Variants in FMNL2 observed in about 807,000 individuals in gnomAD.
The protein encoded by FMNL2 is formin-like protein 2.
In FMNL2, 51 loss-of-function variants were observed where a neutral mutation model predicts 130.2. The ratio of observed to expected loss-of-function variants is 0.39; its 90% CI spans 0.31 to 0.49. The LOEUF (loss-of-function observed/expected upper bound fraction) is 0.49, where lower values mean the gene tolerates loss of function less well. FMNL2 is among the 20% of genes least tolerant of loss of function. The pLI is 0.85. For synonymous variants in FMNL2, 465 were observed against 467.1 expected (o/e 1.00, Z 0.06); for missense variants, 977 against 1,316.2 (o/e 0.74, Z 3.99).
intron 3 of FMNL2, 112 bp downstream of exon 3, chr2:152,542,931 C>T: frequency 8.6e-7 from 1 of 1,167,628 alleles, no homozygotes; most frequent in Non-Finnish European, 1.2e-6. Context: ...GCCAGAGCCT[C>T]CACAAAAAAC....
intron 1 of FMNL2, among the ~76,000 whole-genome samples, chr2:152,485,024 T>G (rs982774151): frequency 6.6e-6 from 1 of 152,190 alleles, no homozygotes; most frequent in Non-Finnish European, 1.5e-5. Flanking sequence ...TGATGCTTGT[T>G]ATTTTATACT....
chr2:152,599,298 T>C (rs1020197529), intron 9 of FMNL2, among the ~76,000 whole-genome samples: 3 of 151,824 alleles, frequency 2.0e-5, no homozygotes, highest in Non-Finnish European at 2.9e-5. Flanking sequence ...GAGTCTTGCA[T>C]TGAAGCTAGA....
intron 1 of FMNL2, among the ~76,000 whole-genome samples, chr2:152,404,436 T>C (rs553049834): frequency 6.6e-6 from 1 of 152,206 alleles, no homozygotes; most frequent in South Asian, 2.1e-4. Flanking sequence ...ATATATATCA[T>C]CTTTGGGGAT....
rs748500020 is a variant in FMNL2, at chr2:152,611,497, G to A, written c.954G>A (p.Val318=). Residue 318 remains valine, a splice_region_variant and synonymous_variant, in exon 11 of 26, where the codon GTG becomes GTA. Coordinates refer to ENST00000288670, the MANE Select transcript of FMNL2 (RefSeq NM_052905.4). ...RNEDNNIDFM[V]ASMQFINIVV... is the part of the protein sequence containing the mutation. Reference sequence around the variant, plus strand: ...ACCCCTTGACAATTTCATTTCAGGTGGCTTCTATGCAGTTTATTAATATTG... The same window carrying A: ...ACCCCTTGACAATTTCATTTCAGGTAGCTTCTATGCAGTTTATTAATATTG... 4 of 1,571,338 alleles carry A rather than the reference G, an allele frequency of 2.5e-6. No homozygotes were observed. Among genetic ancestry groups the A allele is most frequent in the Admixed American group, 3.7e-5 (2 of 54,594 alleles).
chr2:152,436,472 A>C (rs1687771650), intron 1 of FMNL2, among the ~76,000 whole-genome samples: 1 of 152,172 alleles, frequency 6.6e-6, no homozygotes, highest in African/African-American at 2.4e-5. Flanking sequence ...GTTGGGAACT[A>C]CATGGTATCT....
chr2:152,391,837 G>T (rs1393840554), intron 1 of FMNL2, among the ~76,000 whole-genome samples: 2 of 139,444 alleles, frequency 1.4e-5, no homozygotes, highest in Non-Finnish European at 3.2e-5. Flanking sequence ...AATAACGCTG[G>T]CTAGAGCCCT....
chr2:152,632,511 C>T (rs10209763), intron 21 of FMNL2, among the ~76,000 whole-genome samples: 150,755 of 152,334 alleles, frequency 0.99, 74,609 homozygotes, highest in East Asian at 1. Context: ...TCAAGTGTGG[C>T]AGTTGTAAAC....
At chr2:152,351,919 T>G (rs980928832) in intron 1 of FMNL2, among the ~76,000 whole-genome samples, 18 of 152,208 alleles carry the variant, frequency 1.2e-4, no homozygotes, top group African/African-American at 4.1e-4. Context: ...TATCTCATCG[T>G]GGTTTTGATT....
rs58838989 is a variant in FMNL2, at chr2:152,490,569, ATGTGTGTG to A, written c.118-31334_118-31327del. On this transcript the variant is annotated intron_variant, in intron 1 of 25. Coordinates refer to ENST00000288670, the MANE Select transcript of FMNL2 (RefSeq NM_052905.4). Reference sequence around the variant, plus strand: ...GCTTCTCTTCAGCTTTTGCTATCCAATGTGTGTGTGTGTGTGTGTGTGTGTGTGTGTGT... The same window carrying A: ...GCTTCTCTTCAGCTTTTGCTATCCAATGTGTGTGTGTGTGTGTGTGTGTGT... 9.0e-3 allele frequency among the ~76,000 whole-genome samples: 980 copies of A among 108,554 alleles called. 8 individuals are homozygous for A. The highest frequency in any genetic ancestry group is 0.029 in the African/African-American group (828 of 29,004). 71.2% of individuals were successfully genotyped at this position (108,554 alleles called of 152,430 possible).
At chr2:152,336,877 G>C (rs530912962) in intron 1 of FMNL2, among the ~76,000 whole-genome samples, 10 of 152,172 alleles carry the variant, frequency 6.6e-5, no homozygotes, top group Non-Finnish European at 1.5e-4. Flanking sequence ...CCTGCCTGCG[G>C]GTTTTCTTTT....
At chr2:152,561,119 G>T in intron 6 of FMNL2, 84 bp downstream of exon 6, 1 of 1,385,752 alleles carries the variant, frequency 7.2e-7, no homozygotes, top group Non-Finnish European at 9.6e-7. Context: ...TCTGGGCACT[G>T]TATCTCATAA....
chr2:152,346,947 T>C (rs549392936), intron 1 of FMNL2, among the ~76,000 whole-genome samples: 8 of 151,750 alleles, frequency 5.3e-5, no homozygotes, highest in South Asian at 2.1e-4. Context: ...AAAAATTAGC[T>C]GGGCATAGTG....
At chr2:152,420,510 C>G (rs1686852818) in intron 1 of FMNL2, among the ~76,000 whole-genome samples, 1 of 152,192 alleles carries the variant, frequency 6.6e-6, no homozygotes, top group Non-Finnish European at 1.5e-5. Context: ...TAAGGTCTTT[C>G]TCCGAGAATT....
In FMNL2 at chr2:152,357,644, G is replaced by T. The variant is rs926562105; in HGVS notation, c.117+21924G>T. On this transcript the variant is annotated intron_variant, in intron 1 of 25. Coordinates refer to ENST00000288670, the MANE Select transcript of FMNL2 (RefSeq NM_052905.4). The stretch of plus-strand genomic sequence containing the variant: ...ACGATAAATATTAAATCAGTTTAAT[G>T]TATAACGATAAATATTAAATCAGTT... Among the ~76,000 whole-genome samples the T allele has an allele frequency of 2.0e-5, 3 of 148,866 alleles. No homozygotes were observed. The South Asian group carries it at 6.5e-4, about 32-fold the overall frequency.
chr2:152,494,566 T>A (rs533768953), intron 1 of FMNL2, among the ~76,000 whole-genome samples: 1 of 152,082 alleles, frequency 6.6e-6, no homozygotes, highest in South Asian at 2.1e-4. Context: ...CTGCTACGAG[T>A]TTCTCTCCTT....
At chr2:152,492,342 G>T (rs906107442) in intron 1 of FMNL2, among the ~76,000 whole-genome samples, 2 of 152,204 alleles carry the variant, frequency 1.3e-5, no homozygotes, top group Non-Finnish European at 2.9e-5. Context: ...TTTCGGGGAA[G>T]ATTTTTGTAA....
intron 1 of FMNL2, among the ~76,000 whole-genome samples, chr2:152,343,200 AC>A (rs1681911043): frequency 6.6e-6 from 1 of 152,154 alleles, no homozygotes. Flanking sequence ...AGGTGTTTAG[AC>A]CCTGCTATCC....
intron 25 of FMNL2, among the ~76,000 whole-genome samples, chr2:152,643,145 C>CAGTAGAT (rs1159074212): frequency 2.6e-5 from 4 of 152,138 alleles, no homozygotes; most frequent in Non-Finnish European, 4.4e-5. Context: ...AGTCATTAAT[C>CAGTAGAT]TACTAGAAGA....
At chr2:152,641,761 C>T (rs961003753) in intron 25 of FMNL2, among the ~76,000 whole-genome samples, 1 of 152,142 alleles carries the variant, frequency 6.6e-6, no homozygotes, top group African/African-American at 2.4e-5. Context: ...CGTAGAATTT[C>T]ACTTGGAAAT....
Sources: gnomAD v4.1 joint callset for allele counts (sites outside exome capture counted in the v4.1 genomes callset) on GRCh38, gnomAD v4.1.1 for gene constraint, MANE v1.5 for transcripts, NCBI Gene and HGNC (gene_info 2026-07-23, HGNC 2026-07-21) for gene names.